The following PHACTR1 variants were observed in gnomAD, a reference collection of about 807,000 sequenced individuals.
PHACTR1 encodes phosphatase and actin regulator 1.
A neutral mutation model predicts 69.2 loss-of-function variants in PHACTR1; 16 were observed. That is an observed-to-expected ratio of 0.23 (90% CI 0.16 to 0.35). The LOEUF is 0.35. PHACTR1 is among the 10% of genes least tolerant of loss of function. The probability of loss-of-function intolerance (pLI) is 1.00; values close to 1 mark genes in which losing one functional copy is unlikely to be tolerated. For missense variants in PHACTR1, 510 were observed against 734.7 expected (o/e 0.69, Z 3.54); for synonymous variants, 312 against 284.5 (o/e 1.10, Z -0.97).
At chr6:13,041,496 C>T (rs1804165279) in intron 4 of PHACTR1, among the ~76,000 whole-genome samples, 1 of 152,004 alleles carries the variant, frequency 6.6e-6, no homozygotes, top group African/African-American at 2.4e-5. Flanking sequence ...GAAAAACTCA[C>T]CTGGGAGGTA....
intron 4 of PHACTR1, among the ~76,000 whole-genome samples, chr6:12,887,608 C>T (rs926225435): frequency 6.6e-6 from 1 of 152,184 alleles, no homozygotes; most frequent in South Asian, 2.1e-4. Context: ...CTCATGCCCT[C>T]ATTTGCCAAA....
intron 5 of PHACTR1, among the ~76,000 whole-genome samples, chr6:13,066,863 C>T (rs1156559512): frequency 6.6e-6 from 1 of 152,122 alleles, no homozygotes; most frequent in Admixed American, 6.5e-5. Flanking sequence ...TGCTTCCATG[C>T]CTTTTAAAGG....
intron 5 of PHACTR1, among the ~76,000 whole-genome samples, chr6:13,101,359 C>A (rs1815130619): frequency 6.6e-6 from 1 of 152,206 alleles, no homozygotes. Context: ...CCCCACTTCC[C>A]AAGACCATTG....
At chr6:12,730,986 TTTTATTTATTTATTTA>T (rs10648753) in intron 3 of PHACTR1, among the ~76,000 whole-genome samples, 66 of 137,996 alleles carry the variant, frequency 4.8e-4, no homozygotes, top group African/African-American at 1.4e-3. Flanking sequence ...ATATTACCTT[TTTTATTTATTTATTTA>T]TTTATTTATT....
At chr6:12,926,692 G>C (rs1289003861) in intron 4 of PHACTR1, among the ~76,000 whole-genome samples, 1 of 152,162 alleles carries the variant, frequency 6.6e-6, no homozygotes, top group Non-Finnish European at 1.5e-5. Flanking sequence ...AATCTGGTAT[G>C]GACCCTCATT....
chr6:13,080,539 G>C (rs1348137330), intron 5 of PHACTR1, among the ~76,000 whole-genome samples: 1 of 152,120 alleles, frequency 6.6e-6, no homozygotes. Flanking sequence ...GGTATAGATG[G>C]TCTTCCAAGA....
At chr6:12,942,460 C>T (rs1291023112) in intron 4 of PHACTR1, among the ~76,000 whole-genome samples, 3 of 152,130 alleles carry the variant, frequency 2.0e-5, no homozygotes, top group East Asian at 1.9e-4. Context: ...TTCTTTTACA[C>T]GTGATGAAAC....
At chr6:13,282,033 C>T (rs1780384797) in intron 12 of PHACTR1, among the ~76,000 whole-genome samples, 1 of 152,236 alleles carries the variant, frequency 6.6e-6, no homozygotes, top group Non-Finnish European at 1.5e-5. Context: ...TGCCAGCCAT[C>T]CTCTAATTGT....
rs1421354417 is a variant in PHACTR1, at chr6:13,118,827, C to T, written c.416-41377C>T. On this transcript the variant is annotated intron_variant, in intron 5 of 14. Transcript: ENST00000332995. The stretch of plus-strand genomic sequence containing the variant: ...TGGCGCAGTGGAAAGAGCCCAGGCA[C>T]TGCAGCTAGAACTACCTGAGTTTGC... Among the ~76,000 whole-genome samples the T allele has an allele frequency of 3.9e-5, 6 of 152,148 alleles. No homozygotes were observed. The East Asian group carries it at 1.2e-3, about 29-fold the overall frequency.
At chr6:13,042,849 ATCCC>A (rs1362759561) in intron 4 of PHACTR1, among the ~76,000 whole-genome samples, 1 of 152,202 alleles carries the variant, frequency 6.6e-6, no homozygotes, top group Admixed American at 6.5e-5. Flanking sequence ...AGTCTGTATT[ATCCC>A]CATTTTACAG....
rs182390925 is a variant in PHACTR1, at chr6:13,023,853, G to A, written c.251-29512G>A. 2.2e-4 allele frequency among the ~76,000 whole-genome samples: 34 copies of A among 152,352 alleles called. No homozygotes were observed. The East Asian group carries it at 4.6e-3, about 21-fold the overall frequency. On this transcript the variant is annotated intron_variant, in intron 4 of 14. Coordinates refer to ENST00000332995, the MANE Select transcript of PHACTR1 (RefSeq NM_030948.6). ...GCACTTTGAGAGGCCGAAGCAGGCAGATTACTTGAGGCCAGGAGTTCGAGA... is the reference window on the plus strand; with the variant it reads ...GCACTTTGAGAGGCCGAAGCAGGCAAATTACTTGAGGCCAGGAGTTCGAGA...
rs116192680 is a variant in PHACTR1, at chr6:12,926,548, G to T, written c.251-126817G>T. On this transcript the variant is annotated intron_variant, in intron 4 of 14. Coordinates refer to ENST00000332995, the MANE Select transcript of PHACTR1 (RefSeq NM_030948.6). ...CTTGTCCACGGTCCAGGCTCCACCT[G>T]CTCCACCCTGTCTCACAACATCAAC... Among the ~76,000 whole-genome samples, 262 of 152,256 alleles carry T rather than the reference G, an allele frequency of 1.7e-3. 1 individual carries two copies. The highest frequency in any genetic ancestry group is 6.0e-3 in the African/African-American group (251 of 41,538).
chr6:12,796,605 T>C (rs1773031629), intron 4 of PHACTR1, among the ~76,000 whole-genome samples: 1 of 152,186 alleles, frequency 6.6e-6, no homozygotes, highest in Non-Finnish European at 1.5e-5. Flanking sequence ...CTGCTAGGCA[T>C]TGGTGTGCAG....
chr6:12,846,688 A>G (rs1304307360), intron 4 of PHACTR1, among the ~76,000 whole-genome samples: 4 of 150,420 alleles, frequency 2.7e-5, no homozygotes, highest in African/African-American at 9.8e-5. Context: ...ATAGGAATGT[A>G]TAACATCATC....
At chr6:12,827,147 C>T (rs191434728) in intron 4 of PHACTR1, among the ~76,000 whole-genome samples, 131 of 152,102 alleles carry the variant, frequency 8.6e-4, no homozygotes, top group Admixed American at 7.3e-3. Context: ...CTAACATTCC[C>T]GGAGTTTTCT....
At chr6:12,933,633 G>A in intron 4 of PHACTR1, 1 of 1,612,662 alleles carries the variant, frequency 6.2e-7, no homozygotes, top group South Asian at 1.1e-5. Context: ...CAATGTCCAG[G>A]CGTTTCCCTT....
chr6:13,072,134 G>T (rs1274475220), intron 5 of PHACTR1, among the ~76,000 whole-genome samples: 1 of 152,220 alleles, frequency 6.6e-6, no homozygotes, highest in Non-Finnish European at 1.5e-5. Context: ...TCACTTGATA[G>T]AAGTAGGTCA....
chr6:12,932,172 C>T (rs576273054), intron 4 of PHACTR1, among the ~76,000 whole-genome samples: 1 of 152,290 alleles, frequency 6.6e-6, no homozygotes, highest in East Asian at 1.9e-4. Context: ...CTCCTGCCTG[C>T]TACTGAGGCC....
intron 4 of PHACTR1, among the ~76,000 whole-genome samples, chr6:12,812,497 G>T (rs564676302): frequency 6.6e-6 from 1 of 152,312 alleles, no homozygotes; most frequent in Non-Finnish European, 1.5e-5. Context: ...AAGAAGCGAA[G>T]TGTCTAGCCT....
Sources: allele counts gnomAD v4.1 joint callset (sites outside exome capture counted in the v4.1 genomes callset), GRCh38; gene constraint gnomAD v4.1.1; transcripts MANE v1.5; gene names NCBI Gene and HGNC (gene_info 2026-07-23, HGNC 2026-07-21).